The following KPNA1 variants were observed in gnomAD, a reference collection of about 807,000 sequenced individuals.
KPNA1 encodes karyopherin subunit alpha 1.
A neutral mutation model predicts 70.5 loss-of-function variants in KPNA1; 10 were observed. The ratio of observed to expected loss-of-function variants is 0.14; its 90% confidence interval spans 0.09 to 0.24. The LOEUF (loss-of-function observed/expected upper bound fraction) is 0.24, where lower values mean the gene tolerates loss of function less well. Among genes scored for constraint, KPNA1 ranks in the 10% least tolerant of loss-of-function variants. The pLI, the probability that KPNA1 is intolerant of heterozygous loss-of-function variation, is 1.00. For missense variants in KPNA1, 397 were observed against 637.9 expected (o/e 0.62, Z 4.07); for synonymous variants, 192 against 221.9 (o/e 0.87, Z 1.20).
intron 2 of KPNA1, among the ~76,000 whole-genome samples, chr3:122,489,295 G>T (rs79381985): frequency 0.14 from 20,431 of 148,152 alleles, 1,503 homozygotes; most frequent in East Asian, 0.33. Context: ...GTTTTTTTTT[G>T]TTTGTTTTTT....
At chr3:122,460,662 A>T (rs77599736) in intron 5 of KPNA1, 93,835 of 792,692 alleles carry the variant, frequency 0.12, 5,981 homozygotes, top group East Asian at 0.3. Flanking sequence ...AAAAAAAAAA[A>T]GAAAATTCTG....
chr3:122,496,091 G>C (rs935727186), intron 2 of KPNA1, among the ~76,000 whole-genome samples: 6 of 152,018 alleles, frequency 3.9e-5, no homozygotes, highest in African/African-American at 1.4e-4. Context: ...CACTTTAGTG[G>C]TCACTTGTGA....
chr3:122,486,273 A>G (rs1226189077), intron 2 of KPNA1, among the ~76,000 whole-genome samples: 2 of 152,274 alleles, frequency 1.3e-5, no homozygotes, highest in Admixed American at 6.5e-5. Context: ...TATCCATACA[A>G]AAGAATACTA....
intron 10 of KPNA1, among the ~76,000 whole-genome samples, 157 bp downstream of exon 10, chr3:122,441,881 G>T (rs564399656): frequency 1.3e-4 from 20 of 152,296 alleles, no homozygotes; most frequent in African/African-American, 4.8e-4. Context: ...GATTACAGGC[G>T]TGAGTGACCG....
chr3:122,505,284 A>AAG (rs1417846918), intron 1 of KPNA1, among the ~76,000 whole-genome samples: 1 of 151,752 alleles, frequency 6.6e-6, no homozygotes, highest in Non-Finnish European at 1.5e-5. Context: ...CAAAAAAAAA[A>AAG]AAAAAAAAAA....
At chr3:122,439,335 A>T (rs531483553) in intron 10 of KPNA1, among the ~76,000 whole-genome samples, 4 of 152,308 alleles carry the variant, frequency 2.6e-5, no homozygotes, top group Non-Finnish European at 5.9e-5. Flanking sequence ...CTACAGTTAC[A>T]TTCCATCATG....
intron 2 of KPNA1, among the ~76,000 whole-genome samples, chr3:122,492,637 A>C (rs1328426177): frequency 6.6e-6 from 1 of 152,246 alleles, no homozygotes; most frequent in Non-Finnish European, 1.5e-5. Flanking sequence ...AATGCTCAAT[A>C]GCTAACTGTA....
At chr3:122,478,735 A>G (rs1228258911) in intron 2 of KPNA1, among the ~76,000 whole-genome samples, 1 of 151,028 alleles carries the variant, frequency 6.6e-6, no homozygotes, top group Non-Finnish European at 1.5e-5. Flanking sequence ...CTAAAAAAAA[A>G]AAAAAAAAAA....
chr3:122,485,059 T>G (rs1277819469), intron 2 of KPNA1, among the ~76,000 whole-genome samples: 1 of 152,046 alleles, frequency 6.6e-6, no homozygotes, highest in Non-Finnish European at 1.5e-5. Flanking sequence ...TAATTAGTTT[T>G]GTTGTTGTTG....
chr3:122,479,405 C>T (rs551287689), intron 2 of KPNA1, among the ~76,000 whole-genome samples: 2 of 152,166 alleles, frequency 1.3e-5, no homozygotes, highest in East Asian at 1.9e-4. Flanking sequence ...TATTCATTGC[C>T]GGCAGAAAAG....
chr3:122,507,388 C>G (rs1040751550), intron 1 of KPNA1, among the ~76,000 whole-genome samples: 10 of 146,694 alleles, frequency 6.8e-5, no homozygotes, highest in Admixed American at 2.1e-4. Context: ...TTGCAGTGAG[C>G]TGAGATTGTG....
intron 9 of KPNA1, among the ~76,000 whole-genome samples, chr3:122,448,617 T>C (rs2076166394): frequency 1.3e-5 from 2 of 151,970 alleles, no homozygotes; most frequent in African/African-American, 2.4e-5. Flanking sequence ...GGGGGAGGGA[T>C]AGCATTAAGA....
chr3:122,425,029 GA>G lies in KPNA1; in HGVS notation c.*1955del, dbSNP rs1430713928. ...GTTCTCTCAGCACAAAGCAGCACTA[GA>G]AAAAGTAACAGTTATAGATGGGAGT... is the stretch of plus-strand genomic sequence containing the variant. On this transcript the variant is annotated 3_prime_UTR_variant, in exon 14 of 14. Coordinates refer to ENST00000344337, the MANE Select transcript of KPNA1 (RefSeq NM_002264.4). 2.6e-5 allele frequency: 4 copies of G among 152,612 alleles called. No individual in the cohort carries two copies. Among genetic ancestry groups the G allele is most frequent in the Non-Finnish European group, 5.9e-5 (4 of 68,034 alleles). 9.5% of individuals were successfully genotyped at this position (152,612 alleles called of 1,614,324 possible).
chr3:122,451,486 C>T, intron 8 of KPNA1, 48 bp downstream of exon 8: 1 of 1,045,800 alleles, frequency 9.6e-7, no homozygotes, highest in Non-Finnish European at 1.4e-6. Context: ...TTGCAATACT[C>T]TTTTAATTGT....
intron 7 of KPNA1, 51 bp from the exon 8 acceptor site, chr3:122,451,684 T>C: frequency 8.6e-7 from 1 of 1,166,870 alleles, no homozygotes; most frequent in Non-Finnish European, 1.3e-6. Context: ...AGTGATTATC[T>C]GATGACATAA....
chr3:122,438,518 C>T (rs1237040508), intron 10 of KPNA1, among the ~76,000 whole-genome samples: 1 of 151,928 alleles, frequency 6.6e-6, no homozygotes. Context: ...TCCTGAGTAG[C>T]TGGGATTACA....
intron 1 of KPNA1, among the ~76,000 whole-genome samples, chr3:122,513,921 G>A (rs904466443): frequency 6.6e-6 from 1 of 152,022 alleles, no homozygotes; most frequent in South Asian, 2.1e-4. Flanking sequence ...ACAAAAACTC[G>A]GCAATCGTTT....
At chr3:122,491,954 C>T (rs1030278276) in intron 2 of KPNA1, among the ~76,000 whole-genome samples, 65 of 147,776 alleles carry the variant, frequency 4.4e-4, no homozygotes, top group Middle Eastern at 7.2e-3. Flanking sequence ...CTCCGCCTCC[C>T]GGGTTCACGC....
chr3:122,438,641 C>T (rs1363693795), intron 10 of KPNA1, among the ~76,000 whole-genome samples: 4 of 152,186 alleles, frequency 2.6e-5, no homozygotes, highest in African/African-American at 9.7e-5. Context: ...CTACCTCAGC[C>T]TCCCAAAGTG....
Sources: allele counts gnomAD v4.1 joint callset (sites outside exome capture counted in the v4.1 genomes callset), GRCh38; gene constraint gnomAD v4.1.1; transcripts MANE v1.5; gene names NCBI Gene and HGNC (gene_info 2026-07-23, HGNC 2026-07-21).